The following BMAL1 variants were observed in gnomAD, a reference collection of about 807,000 sequenced individuals.
The protein encoded by BMAL1 is basic helix-loop-helix ARNT like 1.
the BMAL1 span, among the ~76,000 whole-genome samples, chr11:13,371,269 CTTCTA>C: frequency 2.0e-5 from 3 of 151,910 alleles, no homozygotes; most frequent in African/African-American, 7.3e-5. Flanking sequence ...CTCTCTCTCT[CTTCTA>C]GTCTGTTTTC....
chr11:13,296,592 G>A, the BMAL1 span, among the ~76,000 whole-genome samples: 61,298 of 152,056 alleles, frequency 0.4, 13,912 homozygotes, highest in East Asian at 0.6. Flanking sequence ...ACGCATGTGT[G>A]TACCTACATG....
chr11:13,331,875 G>C, the BMAL1 span, among the ~76,000 whole-genome samples: 1 of 152,154 alleles, frequency 6.6e-6, no homozygotes, highest in East Asian at 1.9e-4. Context: ...GCTAGGGAGG[G>C]CAAACTGTGA....
chr11:13,374,816 T>G, the BMAL1 span, among the ~76,000 whole-genome samples: 1 of 152,206 alleles, frequency 6.6e-6, no homozygotes, highest in Non-Finnish European at 1.5e-5. Context: ...TCAGCCTGCT[T>G]AAAAACCTCC....
At chr11:13,354,201 C>CCCCCCCCCCCCCAACCCCCCAA in the BMAL1 span, 1 of 616,120 alleles carries the variant, frequency 1.6e-6, no homozygotes, top group Non-Finnish European at 2.5e-6. Context: ...CCCCCCCCGG[C>CCCCCCCCCCCCCAACCCCCCAA]CCCCCACCAC....
chr11:13,376,370 G>A, the BMAL1 span, among the ~76,000 whole-genome samples: 1 of 152,212 alleles, frequency 6.6e-6, no homozygotes, highest in Non-Finnish European at 1.5e-5. Context: ...AGGAGGTGCT[G>A]TAATGATGGC....
At chr11:13,326,201 T>TTA in the BMAL1 span, among the ~76,000 whole-genome samples, 2 of 142,520 alleles carry the variant, frequency 1.4e-5, no homozygotes, top group Non-Finnish European at 3.1e-5. Flanking sequence ...AGACTCTGTC[T>TTA]AAAAAAAAAA....
the BMAL1 span, among the ~76,000 whole-genome samples, chr11:13,363,147 T>TAA: frequency 1.4e-5 from 1 of 70,144 alleles, no homozygotes; most frequent in African/African-American, 4.5e-5. Context: ...TATATATATA[T>TAA]ATATATATAT....
At chr11:13,309,296 A>G in the BMAL1 span, among the ~76,000 whole-genome samples, 2 of 152,128 alleles carry the variant, frequency 1.3e-5, no homozygotes, top group Admixed American at 6.5e-5. Flanking sequence ...GGTAGGGTCT[A>G]TCGGGGGAAA....
the BMAL1 span, among the ~76,000 whole-genome samples, chr11:13,345,779 A>G: frequency 1.3e-5 from 2 of 152,178 alleles, no homozygotes; most frequent in Non-Finnish European, 2.9e-5. Flanking sequence ...TATTGTGAAA[A>G]TTAAACTTGT....
the BMAL1 span, chr11:13,355,082 GA>G: frequency 1.6e-6 from 1 of 632,122 alleles, no homozygotes; most frequent in Non-Finnish European, 2.8e-6. Flanking sequence ...AGGCAGTGTA[GA>G]ATATTCAAAG....
At chr11:13,294,762 G>A in the BMAL1 span, among the ~76,000 whole-genome samples, 1 of 152,014 alleles carries the variant, frequency 6.6e-6, no homozygotes, top group East Asian at 1.9e-4. Context: ...TCTTTATCCT[G>A]TACTCATATG....
the BMAL1 span, among the ~76,000 whole-genome samples, chr11:13,301,182 G>C: frequency 6.0e-4 from 91 of 152,262 alleles, no homozygotes; most frequent in African/African-American, 2.0e-3. Flanking sequence ...TGATCTACCT[G>C]CCTCGGCCTC....
At chr11:13,279,027 T>A in the BMAL1 span, among the ~76,000 whole-genome samples, 1 of 152,142 alleles carries the variant, frequency 6.6e-6, no homozygotes, top group Non-Finnish European at 1.5e-5. Context: ...CGGCGCCTGC[T>A]GTCAAGTTCT....
chr11:13,330,066 T>G, the BMAL1 span, among the ~76,000 whole-genome samples: 3 of 152,346 alleles, frequency 2.0e-5, no homozygotes, highest in South Asian at 6.2e-4. Flanking sequence ...GTGGTTAGCC[T>G]TTCACTTACC....
chr11:13,353,926 T>G, the BMAL1 span, among the ~76,000 whole-genome samples: 11,906 of 152,216 alleles, frequency 0.078, 537 homozygotes, highest in East Asian at 0.14. Flanking sequence ...GGTTATTTGG[T>G]CCCCTCCGTG....
chr11:13,333,479 A>G, the BMAL1 span, among the ~76,000 whole-genome samples: 1 of 152,216 alleles, frequency 6.6e-6, no homozygotes, highest in Non-Finnish European at 1.5e-5. Context: ...AAGGTTGTGT[A>G]TGTTAAGACT....
the BMAL1 span, among the ~76,000 whole-genome samples, chr11:13,279,200 G>C: frequency 6.6e-6 from 1 of 152,324 alleles, no homozygotes; most frequent in Non-Finnish European, 1.5e-5. Context: ...GGAATTATTA[G>C]CCAAGTTTTC....
chr11:13,280,008 G>C, the BMAL1 span, among the ~76,000 whole-genome samples: 3 of 152,220 alleles, frequency 2.0e-5, no homozygotes, highest in Non-Finnish European at 4.4e-5. Context: ...AAGATTTCTA[G>C]GTTGTGTTTG....
the BMAL1 span, among the ~76,000 whole-genome samples, chr11:13,376,288 T>TA: frequency 6.6e-6 from 1 of 152,110 alleles, no homozygotes; most frequent in Non-Finnish European, 1.5e-5. Flanking sequence ...TCCTTCCCCA[T>TA]AGTGTCCAAA....
Sources: allele counts gnomAD v4.1 joint callset (sites outside exome capture counted in the v4.1 genomes callset), GRCh38; gene constraint gnomAD v4.1.1; transcripts MANE v1.5; gene names NCBI Gene and HGNC (gene_info 2026-07-23, HGNC 2026-07-21).